The following SHPRH variants were observed in gnomAD, a reference collection of about 807,000 sequenced individuals.
SHPRH encodes E3 ubiquitin-protein ligase SHPRH.
Under a neutral mutation model 202.5 loss-of-function variants are expected in SHPRH, and 106 were observed. The ratio of observed to expected loss-of-function variants is 0.52; its 90% CI spans 0.45 to 0.62. The LOEUF (loss-of-function observed/expected upper bound fraction) is 0.62. Ranked by LOEUF, SHPRH falls within the 20% of genes least tolerant of loss-of-function variation. The pLI is 0.00. For missense variants in SHPRH, 1,710 were observed against 2,020.0 expected, an observed-to-expected ratio of 0.85 and a Z score of 2.94; for synonymous variants, 729 against 686.0, an observed-to-expected ratio of 1.06 and a Z score of -0.98.
intron 25 of SHPRH, among the ~76,000 whole-genome samples, chr6:145,900,443 T>C (rs1782394017): frequency 6.6e-6 from 1 of 151,978 alleles, no homozygotes; most frequent in Non-Finnish European, 1.5e-5. Context: ...ATGGGATATC[T>C]AAAAACATTT....
chr6:145,878,245 C>A (rs757854922), intron 2 of SHPRH, among the ~76,000 whole-genome samples: 1 of 152,192 alleles, frequency 6.6e-6, no homozygotes, highest in African/African-American at 2.4e-5. Context: ...CATGCACAAC[C>A]TTTCCTACTA....
At position 145,910,589 on chromosome 6, in the gene SHPRH, A is replaced by G. The variant is rs1783405630; in HGVS notation, c.4374T>C (p.Ser1458=). The part of the protein sequence containing the change: ...CGHCFCNECI[S]IIIEQYSVGS... ...CCACGCTGTATTGTTCAATAATTAT[A>G]GAAATGCATTCATTACAGAAACAGT... The change falls in exon 25 of 30, where the codon TCT becomes TCC. Residue 1458 remains serine, a synonymous_variant. Coordinates refer to ENST00000275233, the MANE Select transcript of SHPRH (RefSeq NM_001042683.3). The G allele has an allele frequency of 1.2e-6, 2 of 1,613,206 alleles. No homozygotes were observed. Among genetic ancestry groups the G allele is most frequent in the Non-Finnish European group, 1.7e-6 (2 of 1,179,508 alleles).
At position 145,934,808 on chromosome 6, in the gene SHPRH, C is replaced by T. The variant is rs117353134; in HGVS notation, c.2990+99G>A. 3.7e-3 allele frequency: 4,377 copies of T among 1,186,062 alleles called. 107 individuals are homozygous for T. The East Asian group carries it at 0.065, about 18-fold the overall frequency. The allele number at this position is 1,186,062 out of a possible 1,614,324, so 73.5% of individuals were successfully genotyped here. ...AAACCCTCTACACCATTAAAGATAA[C>T]TGACAACTCAGTTACATGTCTCTGA... On this transcript the variant is annotated intron_variant, in intron 13 of 29. Transcript: ENST00000275233.
Position 145,919,337 on chromosome 6 carries a change from T to C in SHPRH, c.4152+11A>G, listed in dbSNP as rs1244284591. 2 of 1,612,336 alleles carry C rather than the reference T, an allele frequency of 1.2e-6. No individual in the cohort carries two copies. Among genetic ancestry groups the C allele is most frequent in the Non-Finnish European group, 1.7e-6 (2 of 1,178,966 alleles). On this transcript the variant is annotated intron_variant, in intron 22 of 29. Transcript: ENST00000275233. ...TGCTGTTCCCTTTTCTGTGATTTAC[T>C]TGCCAATTACCTCATGTGGTTCAAT... is the stretch of plus-strand genomic sequence containing the variant.
chr6:145,942,352 T>C (rs927777126), intron 9 of SHPRH, among the ~76,000 whole-genome samples: 3 of 152,208 alleles, frequency 2.0e-5, no homozygotes, highest in African/African-American at 7.2e-5. Context: ...ATAATTCTGT[T>C]GGTGGTTGTT....
At chr6:145,881,357 TGAA>T (rs1374166378), downstream of SHPRH, among the ~76,000 whole-genome samples, 1 of 152,052 alleles carries the variant, frequency 6.6e-6, no homozygotes, top group Non-Finnish European at 1.5e-5. Context: ...GGGTTGAAGG[TGAA>T]GGAGGAGCAA....
At chr6:145,900,048 T>C (rs1438054524) in intron 25 of SHPRH, among the ~76,000 whole-genome samples, 2 of 152,142 alleles carry the variant, frequency 1.3e-5, no homozygotes, top group African/African-American at 2.4e-5. Flanking sequence ...TTGTACACCA[T>C]TGGTGGCAAT....
Position 145,886,784 on chromosome 6 carries a change from G to C in SHPRH, c.4959C>G (p.His1653Gln). 6.2e-7 allele frequency: 1 copy of C among 1,612,944 alleles called. No individual in the cohort carries two copies. Residue 1653 changes from histidine to glutamine, a missense_variant, in exon 30 of 30, where the codon CAC becomes CAG. Coordinates refer to ENST00000275233, the MANE Select transcript of SHPRH (RefSeq NM_001042683.3). ...QAMLKTAERS[H>Q]TNSSAKHSEA... is the part of the protein sequence containing the mutation. ...CTGAATGCTTTGCTGATGAGTTCGT[G>C]TGACTGCAAGGTTTCCCAAATGAGC... is the stretch of plus-strand genomic sequence containing the variant.
At chr6:145,866,618 A>G (rs1779793049) in intron 2 of SHPRH, among the ~76,000 whole-genome samples, 1 of 152,198 alleles carries the variant, frequency 6.6e-6, no homozygotes, top group Non-Finnish European at 1.5e-5. Context: ...TCCTTTTGCA[A>G]GTGGCCAGAG....
chr6:145,874,464 A>AT (rs761744090), intron 2 of SHPRH, among the ~76,000 whole-genome samples: 27 of 151,124 alleles, frequency 1.8e-4, no homozygotes, highest in South Asian at 4.2e-4. Flanking sequence ...TAATGACAGC[A>AT]TTTTTTTTTA....
intron 8 of SHPRH, 114 bp downstream of exon 8, chr6:145,945,267 A>T: frequency 7.8e-7 from 1 of 1,283,542 alleles, no homozygotes; most frequent in Non-Finnish European, 1.0e-6. Context: ...TACTTTTCCT[A>T]TTTTTTTATC....
intron 10 of SHPRH, 104 bp downstream of exon 10, chr6:145,941,519 G>T (rs1010631825): frequency 6.6e-7 from 1 of 1,509,598 alleles, no homozygotes; most frequent in African/African-American, 1.4e-5. Context: ...ACCAATATCA[G>T]TACTACAGGT....
At chr6:145,923,554 G>C in intron 18 of SHPRH, 89 bp downstream of exon 18, 6 of 1,498,076 alleles carry the variant, frequency 4.0e-6, no homozygotes, top group Non-Finnish European at 5.4e-6. Context: ...AAAAAAGCCG[G>C]TAATAATGAG....
At chr6:145,930,643 G>A (rs1291614590) in intron 14 of SHPRH, among the ~76,000 whole-genome samples, 1 of 152,114 alleles carries the variant, frequency 6.6e-6, no homozygotes, top group Non-Finnish European at 1.5e-5. Context: ...CCCAGAATAT[G>A]CCCTATCTTC....
Position 145,933,178 on chromosome 6 carries a change from G to A in SHPRH, c.2991C>T (p.Ser997=), listed in dbSNP as rs748983995. The A allele has an allele frequency of 5.0e-6, 8 of 1,613,820 alleles. No homozygotes were observed. In the South Asian group the frequency reaches 8.8e-5, roughly 18 times the overall value. ...TCAGCAGCTCTTCCATTGTCATGGT[G>A]CTAAAAGAAAAGGTAGACTGTTCAA... is the stretch of plus-strand genomic sequence containing the variant. ...VRGEFLPLQK[S]TMTMEELLTS... is the part of the protein sequence containing the mutation. The change falls in exon 14 of 30, where the codon AGC becomes AGT. Residue 997 remains serine, a splice_region_variant and synonymous_variant. Coordinates refer to ENST00000275233, the MANE Select transcript of SHPRH (RefSeq NM_001042683.3).
chr6:145,893,157 T>G (rs1397203662), intron 28 of SHPRH, 58 bp downstream of exon 28: 3 of 1,433,634 alleles, frequency 2.1e-6, no homozygotes, highest in East Asian at 2.5e-5. Flanking sequence ...GTTTAAATAC[T>G]GATTTGGTTT....
chr6:145,863,378 C>T (rs1779645347), downstream of SHPRH, among the ~76,000 whole-genome samples: 1 of 152,166 alleles, frequency 6.6e-6, no homozygotes, highest in Admixed American at 6.5e-5. Flanking sequence ...TAAATAAGAT[C>T]AGGTTTCCAA....
intron 11 of SHPRH, among the ~76,000 whole-genome samples, chr6:145,938,473 T>C (rs1426673823): frequency 6.6e-6 from 1 of 152,060 alleles, no homozygotes; most frequent in Non-Finnish European, 1.5e-5. Context: ...ATAAATCAAA[T>C]ACATAAATAA....
At chr6:145,918,020 T>G in intron 23 of SHPRH, 111 bp downstream of exon 23, 1 of 708,422 alleles carries the variant, frequency 1.4e-6, no homozygotes, top group South Asian at 2.2e-5. Flanking sequence ...CTGACTCATA[T>G]AACACCAAAT....
Sources: allele counts gnomAD v4.1 joint callset (sites outside exome capture counted in the v4.1 genomes callset), GRCh38; gene constraint gnomAD v4.1.1; transcripts MANE v1.5; gene names NCBI Gene and HGNC (gene_info 2026-07-23, HGNC 2026-07-21).